FRYL: variants seen among roughly 807,000 people sequenced by gnomAD.
The protein encoded by FRYL is FRY like transcription coactivator.
FRYL carries 150 observed loss-of-function variants against 351.2 expected under a neutral mutation model. That is an observed-to-expected ratio of 0.43 (90% CI 0.37 to 0.49). The LOEUF (loss-of-function observed/expected upper bound fraction) is 0.49. FRYL is among the 20% of genes least tolerant of loss of function. FRYL has a pLI of 0.00. For synonymous variants in FRYL, 1,153 were observed against 1,257.1 expected (o/e 0.92, Z 1.75); for missense variants, 3,036 against 3,619.3 (o/e 0.84, Z 4.13).
At chr4:48,712,459 AG>A (rs1410465356) in intron 1 of FRYL, among the ~76,000 whole-genome samples, 1 of 152,242 alleles carries the variant, frequency 6.6e-6, no homozygotes, top group Non-Finnish European at 1.5e-5. Flanking sequence ...ACTGGAAGAA[AG>A]GGTATCAGCG....
chr4:48,522,448 G>A (rs1725099058), intron 54 of FRYL, among the ~76,000 whole-genome samples: 1 of 152,044 alleles, frequency 6.6e-6, no homozygotes, highest in African/African-American at 2.4e-5. Flanking sequence ...GGCTTTTCTT[G>A]CACCCGTACT....
intron 2 of FRYL, among the ~76,000 whole-genome samples, chr4:48,703,542 T>A (rs1454096445): frequency 6.6e-6 from 1 of 152,204 alleles, no homozygotes; most frequent in South Asian, 2.1e-4. Flanking sequence ...ACTTCGTTTC[T>A]GCCTCAGGAT....
Position 48,535,620 on chromosome 4 carries a change from T to A in FRYL, c.6564+37A>T. The A allele has an allele frequency of 2.1e-6, 2 of 963,026 alleles. 1 individual carries two copies. Among genetic ancestry groups the A allele is most frequent in the East Asian group, 6.7e-5 (2 of 29,736 alleles). The allele number at this position is 963,026 out of a possible 1,614,324, so 59.7% of individuals were successfully genotyped here. A position where few individuals can be genotyped will look rare whatever the true frequency, so the allele number is the denominator to read the frequency against. ...ACACACACACACACACACACATATATATATAGTAAATAAGAAAATATTTTT... is the reference window on the plus strand; with the variant it reads ...ACACACACACACACACACACATATAAATATAGTAAATAAGAAAATATTTTT... On this transcript the variant is annotated intron_variant, in intron 48 of 63. Transcript: ENST00000358350.
At chr4:48,546,954 C>G (rs1301826057) in intron 41 of FRYL, among the ~76,000 whole-genome samples, 1 of 148,914 alleles carries the variant, frequency 6.7e-6, no homozygotes, top group African/African-American at 2.5e-5. Flanking sequence ...ATTGATGAAC[C>G]CTGTATCTGA....
intron 1 of FRYL, among the ~76,000 whole-genome samples, chr4:48,728,895 G>A (rs1423917063): frequency 6.6e-6 from 1 of 152,216 alleles, no homozygotes; most frequent in Non-Finnish European, 1.5e-5. Context: ...GCCCACGGAG[G>A]GCAAGCCGAA....
chr4:48,690,968 C>T (rs1401289022), intron 2 of FRYL, among the ~76,000 whole-genome samples: 1 of 152,142 alleles, frequency 6.6e-6, no homozygotes, highest in Non-Finnish European at 1.5e-5. Flanking sequence ...ATTTAATCTC[C>T]AAAGTTTGTC....
intron 4 of FRYL, among the ~76,000 whole-genome samples, chr4:48,632,098 A>ATATATATATATATATGTG (rs1553957562): frequency 1.9e-4 from 4 of 21,508 alleles, no homozygotes; most frequent in Non-Finnish European, 3.2e-4. Context: ...AAAAATATAT[A>ATATATATATATATATGTG]TATATATATA....
chr4:48,592,087 T>TATATATATATATATATATATATATAC (rs1209109314), intron 16 of FRYL, among the ~76,000 whole-genome samples: 1 of 17,412 alleles, frequency 5.7e-5, no homozygotes, highest in Non-Finnish European at 3.4e-4. Flanking sequence ...AGCTCTTATA[T>TATATATATATATATATATATATATAC]ATATATATAT....
At chr4:48,514,208 T>C (rs59220639) in intron 56 of FRYL, among the ~76,000 whole-genome samples, 199 of 152,226 alleles carry the variant, frequency 1.3e-3, no homozygotes, top group African/African-American at 4.7e-3. Flanking sequence ...TAATTTTATA[T>C]AAAAACAGTT....
At chr4:48,505,054 G>A (rs1406737811) in intron 60 of FRYL, among the ~76,000 whole-genome samples, 2 of 152,098 alleles carry the variant, frequency 1.3e-5, no homozygotes, top group African/African-American at 2.4e-5. Context: ...ATGTGTTTAT[G>A]TATGTGCACC....
At chr4:48,656,651 T>C (rs923773800) in intron 3 of FRYL, among the ~76,000 whole-genome samples, 20 of 145,362 alleles carry the variant, frequency 1.4e-4, no homozygotes, top group African/African-American at 5.0e-4. Flanking sequence ...CATATATGCA[T>C]TATATATAAT....
At chr4:48,500,419 T>C (rs1219324267) in intron 62 of FRYL, among the ~76,000 whole-genome samples, 199 bp from the exon 63 acceptor site, 2 of 152,214 alleles carry the variant, frequency 1.3e-5, no homozygotes, top group Non-Finnish European at 2.9e-5. Context: ...AATAGTAGTC[T>C]TGAAATTAAA....
intron 1 of FRYL, among the ~76,000 whole-genome samples, chr4:48,758,170 CATGGGCAAGGACTTCATGTCT>C (rs1346042700): frequency 6.6e-6 from 1 of 152,280 alleles, no homozygotes; most frequent in African/African-American, 2.4e-5. Context: ...AGGACATGGG[CATGGGCAAGGACTTCATGTCT>C]AAAACACCAA....
At chr4:48,712,967 T>A (rs1432014763) in intron 1 of FRYL, among the ~76,000 whole-genome samples, 1 of 152,054 alleles carries the variant, frequency 6.6e-6, no homozygotes, top group African/African-American at 2.4e-5. Flanking sequence ...GAATTTCATA[T>A]CCAGCCAAAC....
chr4:48,605,841 GGA>G lies in FRYL; in HGVS notation c.742-10_742-9del. Reference sequence around the variant, plus strand: ...GAAATACTGAGCACATTCCTTAAAGGGAAAGAGGTATATACTTAGATTAACAA... The same window carrying G: ...GAAATACTGAGCACATTCCTTAAAGGAAGAGGTATATACTTAGATTAACAA... On this transcript the variant is annotated splice_polypyrimidine_tract_variant and intron_variant, in intron 10 of 63. Coordinates refer to ENST00000358350, the MANE Select transcript of FRYL (RefSeq NM_015030.2). 1 of 1,484,420 alleles carries G rather than the reference GGA, an allele frequency of 6.7e-7. No homozygotes were observed. 92.0% of individuals were successfully genotyped at this position (1,484,420 alleles called of 1,614,324 possible). A position where few individuals can be genotyped will look rare whatever the true frequency, so the allele number is the denominator to read the frequency against.
chr4:48,573,713 C>T (rs1373078448), intron 25 of FRYL, among the ~76,000 whole-genome samples: 1 of 151,984 alleles, frequency 6.6e-6, no homozygotes, highest in East Asian at 1.9e-4. Flanking sequence ...CTATGCCTGG[C>T]TAATTTTTTG....
At chr4:48,732,490 A>T (rs898070929) in intron 1 of FRYL, among the ~76,000 whole-genome samples, 7 of 152,202 alleles carry the variant, frequency 4.6e-5, no homozygotes, top group Non-Finnish European at 1.0e-4. Flanking sequence ...TGTTTACTGC[A>T]GCACTATTCA....
chr4:48,693,991 T>C (rs923001140), intron 2 of FRYL, among the ~76,000 whole-genome samples: 6 of 25,598 alleles, frequency 2.3e-4, no homozygotes, highest in African/African-American at 6.8e-4. Flanking sequence ...CAAAGTGTTT[T>C]ATTTTTGCCC....
In FRYL at chr4:48,573,235, A is replaced by G; in HGVS notation, c.2855T>C (p.Ile952Thr). The G allele has an allele frequency of 1.9e-6, 3 of 1,609,114 alleles. No homozygotes were observed. The highest frequency in any genetic ancestry group is 2.6e-6 in the Non-Finnish European group (3 of 1,175,564). Reference sequence around the variant, plus strand: ...TTTAATTATGGGATGTAATTCCTCTATTAGTTCCCTGGAAGAAAAATGGTA... The same window carrying G: ...TTTAATTATGGGATGTAATTCCTCTGTTAGTTCCCTGGAAGAAAAATGGTA... ...RTNPGAFREL[I>T]EELHPIIKEA... Residue 952 changes from isoleucine to threonine, a missense_variant, in exon 26 of 64, where the codon ATA (isoleucine) becomes ACA (threonine). Physicochemically the swap from Ile to Thr is moderately conservative, Grantham distance 89. This residue lies in a region of FRYL where 492 missense variants were observed against 551.5 expected (regional missense o/e 0.89). Transcript: ENST00000358350.
Sources: allele counts gnomAD v4.1 joint callset (sites outside exome capture counted in the v4.1 genomes callset), GRCh38; gene constraint gnomAD v4.1.1; regional missense constraint gnomAD v4.1.1; transcripts MANE v1.5; gene names NCBI Gene and HGNC (gene_info 2026-07-23, HGNC 2026-07-21).